Variants in SF3A3 observed in about 807,000 individuals in gnomAD.
SF3A3 encodes splicing factor 3a subunit 3.
In SF3A3, 9 loss-of-function variants were observed where a neutral mutation model predicts 85.8. The ratio of observed to expected loss-of-function variants is 0.10; its 90% CI spans 0.06 to 0.18. The LOEUF (loss-of-function observed/expected upper bound fraction) is 0.18. Among genes scored for constraint, SF3A3 ranks in the 10% least tolerant of loss-of-function variants. The pLI is 1.00. For synonymous variants in SF3A3, 195 were observed against 204.4 expected, an observed-to-expected ratio of 0.95 and a Z score of 0.39; for missense variants, 306 against 593.3, an observed-to-expected ratio of 0.52 and a Z score of 5.03.
At chr1:37,961,776 AAAAAAAAG>A (rs1557746260) in intron 15 of SF3A3, among the ~76,000 whole-genome samples, 2 of 146,610 alleles carry the variant, frequency 1.4e-5, no homozygotes, top group African/African-American at 2.5e-5. Flanking sequence ...AAAAAAAAAA[AAAAAAAAG>A]AAAGAAAGAA....
At chr1:37,978,275 G>A (rs373429807) in intron 11 of SF3A3, among the ~76,000 whole-genome samples, 2 of 148,860 alleles carry the variant, frequency 1.3e-5, no homozygotes, top group South Asian at 2.1e-4. Flanking sequence ...GGAGGTGGAC[G>A]TTCCAGTGAG....
chr1:37,972,546 A>T (rs1251474537), intron 12 of SF3A3, among the ~76,000 whole-genome samples: 1 of 152,238 alleles, frequency 6.6e-6, no homozygotes, highest in East Asian at 1.9e-4. Context: ...TGGAACCAAA[A>T]AAGAGCCTGC....
At chr1:37,969,076 C>T (rs1361500098) in intron 14 of SF3A3, among the ~76,000 whole-genome samples, 1 of 152,068 alleles carries the variant, frequency 6.6e-6, no homozygotes. Context: ...AAAATGCTAG[C>T]AGAAAGACAA....
intron 6 of SF3A3, among the ~76,000 whole-genome samples, chr1:37,983,586 C>CAAAAAAAAAAAAAAAAAAAAAAAAAAA: frequency 1.3e-4 from 5 of 38,472 alleles, no homozygotes; most frequent in Middle Eastern, 0.015. Flanking sequence ...GACCCTGTCT[C>CAAAAAAAAAAAAAAAAAAAAAAAAAAA]AAAAAAAAAA....
chr1:37,984,033 C>T, intron 6 of SF3A3, 136 bp downstream of exon 6: 1 of 505,052 alleles, frequency 2.0e-6, no homozygotes, highest in Non-Finnish European at 3.6e-6. Flanking sequence ...GAGAGCATAT[C>T]ACCTCTTTAA....
rs1312856235 is a variant in SF3A3 at position 37,978,713 on chromosome 1, C to T, written c.935+7G>A. The stretch of plus-strand genomic sequence containing the variant: ...CCACAAGCAGCAGTGCTACCCCAGC[C>T]ACTCACCGCTTGGTGCCCTTTGACT... On this transcript the variant is annotated splice_region_variant and intron_variant, in intron 11 of 16. Coordinates refer to ENST00000373019, the MANE Select transcript of SF3A3 (RefSeq NM_006802.4). 12 of 1,540,864 alleles carry T rather than the reference C, an allele frequency of 7.8e-6. No individual in the cohort carries two copies. Among genetic ancestry groups the T allele is most frequent in the Non-Finnish European group, 8.8e-6 (10 of 1,136,518 alleles).
chr1:37,978,541 C>G (rs926628699), intron 11 of SF3A3, among the ~76,000 whole-genome samples, 179 bp downstream of exon 11: 19 of 152,010 alleles, frequency 1.2e-4, no homozygotes, highest in Non-Finnish European at 2.8e-4. Flanking sequence ...ACAGACGGTC[C>G]TTGGTTTATA....
Position 37,957,146 on chromosome 1 carries a change from C to A in SF3A3, c.*1040G>T, listed in dbSNP as rs1457844917. The A allele has an allele frequency of 6.6e-6, 1 of 152,212 alleles. No homozygotes were observed. Among genetic ancestry groups the A allele is most frequent in the Admixed American group, 6.6e-5 (1 of 15,256 alleles). The allele number at this position is 152,212 out of a possible 1,614,324, so 9.4% of individuals were successfully genotyped here. A position where few individuals can be genotyped will look rare whatever the true frequency, so the allele number is the denominator to read the frequency against. On this transcript the variant is annotated 3_prime_UTR_variant, in exon 17 of 17. Coordinates refer to ENST00000373019, the MANE Select transcript of SF3A3 (RefSeq NM_006802.4). ...TTAGTTCTTTCCATTTCAGACACCA[C>A]ATTTGGATCCTGGGGCAGCTGCTCA... is the stretch of plus-strand genomic sequence containing the variant.
intron 6 of SF3A3, among the ~76,000 whole-genome samples, chr1:37,982,928 C>T (rs1468331781): frequency 6.6e-6 from 1 of 151,212 alleles, no homozygotes; most frequent in Non-Finnish European, 1.5e-5. Context: ...AACCCTATTT[C>T]TACAAAAAAA....
chr1:37,958,003 T>C lies in SF3A3; in HGVS notation c.*183A>G, dbSNP rs1407854487. ...TTTTCTGGCAGAATCTTTTAAAATATAAAACAGATAAAACACATCTCAACC... is the reference window on the plus strand; with the variant it reads ...TTTTCTGGCAGAATCTTTTAAAATACAAAACAGATAAAACACATCTCAACC... On this transcript the variant is annotated 3_prime_UTR_variant, in exon 17 of 17. Transcript: ENST00000373019. 7.0e-6 allele frequency: 4 copies of C among 572,940 alleles called. No homozygotes were observed. Among genetic ancestry groups the C allele is most frequent in the Non-Finnish European group, 9.4e-6 (3 of 320,844 alleles). 35.5% of individuals were successfully genotyped at this position (572,940 alleles called of 1,614,324 possible).
intron 12 of SF3A3, among the ~76,000 whole-genome samples, chr1:37,975,924 A>G (rs1646376747): frequency 6.6e-6 from 1 of 152,208 alleles, no homozygotes; most frequent in African/African-American, 2.4e-5. Context: ...TGGGAGGCCG[A>G]GGCAAGCGGA....
chr1:37,986,952 C>T (rs901358850), intron 4 of SF3A3, among the ~76,000 whole-genome samples: 1 of 150,790 alleles, frequency 6.6e-6, no homozygotes, highest in African/African-American at 2.5e-5. Flanking sequence ...AAAATCTTGA[C>T]CAACCCAACG....
At chr1:37,974,349 C>G (rs923665220) in intron 12 of SF3A3, among the ~76,000 whole-genome samples, 3 of 129,692 alleles carry the variant, frequency 2.3e-5, no homozygotes, top group Non-Finnish European at 4.6e-5. Context: ...GTCGCCCAAG[C>G]TGGAGTGCAG....
intron 6 of SF3A3, 53 bp from the exon 7 acceptor site, chr1:37,981,864 C>CA (rs1197869548): frequency 2.8e-5 from 28 of 1,017,460 alleles, no homozygotes; most frequent in Non-Finnish European, 4.1e-5. Context: ...TATACTGTAA[C>CA]AAGTTACAAT....
intron 16 of SF3A3, 32 bp from the exon 17 acceptor site, chr1:37,958,295 G>T: frequency 6.8e-7 from 1 of 1,480,638 alleles, no homozygotes; most frequent in Admixed American, 1.7e-5. Context: ...TTGTTAGACA[G>T]CTCTCCTAAA....
intron 16 of SF3A3, among the ~76,000 whole-genome samples, chr1:37,959,612 T>C (rs1646243217): frequency 6.6e-6 from 1 of 152,158 alleles, no homozygotes; most frequent in Admixed American, 6.5e-5. Context: ...AGAGTCTTGC[T>C]CTGTCACCCA....
intron 9 of SF3A3, 29 bp downstream of exon 9, chr1:37,979,436 G>A: frequency 6.5e-7 from 1 of 1,544,224 alleles, no homozygotes; most frequent in Non-Finnish European, 8.9e-7. Flanking sequence ...TAGACAGAGA[G>A]AACACTACTA....
chr1:37,965,071 T>A (rs1182698313), intron 15 of SF3A3, among the ~76,000 whole-genome samples: 1 of 152,030 alleles, frequency 6.6e-6, no homozygotes, highest in Non-Finnish European at 1.5e-5. Context: ...GGCACAAGAA[T>A]TGCTTGAACC....
In SF3A3 at chr1:37,967,796, G is replaced by T. The variant is rs571252411; in HGVS notation, c.1372+248C>A. Reference sequence around the variant, plus strand: ...AATCGCTTGCGCCCGGGAGGCAGAGGTTGCAGTGGGCCAAGACTGCACCAT... The same window carrying T: ...AATCGCTTGCGCCCGGGAGGCAGAGTTTGCAGTGGGCCAAGACTGCACCAT... On this transcript the variant is annotated intron_variant, in intron 15 of 16. Transcript: ENST00000373019. Among the ~76,000 whole-genome samples the T allele has an allele frequency of 1.4e-4, 21 of 151,526 alleles. No homozygotes were observed. In the South Asian group the frequency reaches 4.2e-3, roughly 30 times the overall value.
Sources: allele counts gnomAD v4.1 joint callset (sites outside exome capture counted in the v4.1 genomes callset), GRCh38; gene constraint gnomAD v4.1.1; transcripts MANE v1.5; gene names NCBI Gene and HGNC (gene_info 2026-07-23, HGNC 2026-07-21).